FBXO40: variants seen among roughly 807,000 people sequenced by gnomAD.
FBXO40 encodes the protein F-box protein 40.
A neutral mutation model predicts 49.9 loss-of-function variants in FBXO40; 50 were observed. That is an observed-to-expected ratio of 1.00 (90% CI 0.80 to 1.27). The LOEUF (loss-of-function observed/expected upper bound fraction) is 1.27. Among genes scored for constraint, FBXO40 ranks in the 50% most tolerant of loss-of-function variants. The pLI is 0.00. For synonymous variants in FBXO40, 340 were observed against 320.2 expected (o/e 1.06, Z -0.66); for missense variants, 895 against 870.1 (o/e 1.03, Z -0.36).
chr3:121,611,845 C>G (rs2048967582), intron 1 of FBXO40, among the ~76,000 whole-genome samples: 1 of 152,214 alleles, frequency 6.6e-6, no homozygotes, highest in African/African-American at 2.4e-5. Context: ...ATGACCTTTA[C>G]CAAGTATACT....
rs1218731881 is a variant in FBXO40, at chr3:121,595,363, T to C, written c.-31+1861T>C. ...CTGGTGAAACTAGGGTGTGTTGGCT[T>C]ACAAGTAACCAAGCAGACAGATTGA... On this transcript the variant is annotated intron_variant, in intron 1 of 3. Transcript: ENST00000338040. 2.0e-5 allele frequency among the ~76,000 whole-genome samples: 3 copies of C among 152,192 alleles called. No homozygotes were observed. The East Asian group carries it at 5.8e-4, about 29-fold the overall frequency.
At chr3:121,614,585 A>T (rs560041378) in intron 1 of FBXO40, among the ~76,000 whole-genome samples, 1 of 152,340 alleles carries the variant, frequency 6.6e-6, no homozygotes, top group South Asian at 2.1e-4. Context: ...CACAAGGTGG[A>T]TTACTCCCAA....
intron 1 of FBXO40, among the ~76,000 whole-genome samples, chr3:121,612,797 C>T (rs1038537695): frequency 6.6e-6 from 1 of 151,986 alleles, no homozygotes; most frequent in African/African-American, 2.4e-5. Context: ...CAGCCGGGCG[C>T]GGTGGCTCAC....
intron 2 of FBXO40, among the ~76,000 whole-genome samples, chr3:121,620,876 A>T (rs1455126294): frequency 1.3e-5 from 2 of 152,198 alleles, no homozygotes; most frequent in East Asian, 3.8e-4. Flanking sequence ...TTGAATACCC[A>T]CAAAGGTCCA....
chr3:121,595,557 T>C (rs1167184509), intron 1 of FBXO40, among the ~76,000 whole-genome samples: 1 of 152,146 alleles, frequency 6.6e-6, no homozygotes, highest in Admixed American at 6.5e-5. Context: ...GGTGGAAAAC[T>C]TCAGATTGTG....
chr3:121,621,460 C>T lies in FBXO40; in HGVS notation c.31C>T (p.His11Tyr), dbSNP rs1156460404. Residue 11 changes from histidine (H) to tyrosine (Y), a missense_variant, in exon 3 of 4, where the codon CAC becomes TAC. Transcript: ENST00000338040. ...GAAAGCCCGCAGATCCCCGCCAGGG[C>T]ACCACAGGCATTGTGAGGGATGCTT... MGKARRSPPGHHRHCEGCFNR... is the reference protein window; with the variant it reads MGKARRSPPGYHRHCEGCFNR... 1 of 1,613,884 alleles carries T rather than the reference C, an allele frequency of 6.2e-7. No homozygotes were observed. The highest frequency in any genetic ancestry group is 1.7e-5 in the Admixed American group (1 of 60,012).
chr3:121,602,704 C>T (rs957600998), intron 1 of FBXO40, among the ~76,000 whole-genome samples: 3 of 152,194 alleles, frequency 2.0e-5, no homozygotes, highest in Non-Finnish European at 2.9e-5. Flanking sequence ...TTAAATGGCT[C>T]CCTATTGTGT....
chr3:121,596,440 C>G (rs1157773181), intron 1 of FBXO40, among the ~76,000 whole-genome samples: 1 of 152,200 alleles, frequency 6.6e-6, no homozygotes, highest in Non-Finnish European at 1.5e-5. Context: ...AAATGAGGTC[C>G]TTAGACCATC....
chr3:121,619,737 G>A (rs1292004666), intron 1 of FBXO40, among the ~76,000 whole-genome samples: 3 of 152,260 alleles, frequency 2.0e-5, no homozygotes, highest in South Asian at 2.1e-4. Flanking sequence ...ACTGATGAGC[G>A]AAGAAGTGAA....
chr3:121,626,936 C>T lies in FBXO40; in HGVS notation c.*26C>T. 6.2e-7 allele frequency: 1 copy of T among 1,606,004 alleles called. No homozygotes were observed. Among genetic ancestry groups the T allele is most frequent in the Non-Finnish European group, 8.5e-7 (1 of 1,172,948 alleles). The stretch of plus-strand genomic sequence containing the variant: ...AAATTCAGATGCCACTCGATGCACC[C>T]TTCTTGGATTTCTTCTCGGAGTTCC... On this transcript the variant is annotated 3_prime_UTR_variant, in exon 4 of 4. Coordinates refer to ENST00000338040, the MANE Select transcript of FBXO40 (RefSeq NM_016298.4).
chr3:121,612,669 T>C (rs1222108985), intron 1 of FBXO40, among the ~76,000 whole-genome samples: 1 of 152,108 alleles, frequency 6.6e-6, no homozygotes, highest in Non-Finnish European at 1.5e-5. Flanking sequence ...TTAGTTTCCC[T>C]TCTACAAAAC....
Position 121,620,570 on chromosome 3 carries a change from G to A in FBXO40, c.-6G>A, listed in dbSNP as rs1168747601. On this transcript the variant is annotated 5_prime_UTR_variant, in exon 2 of 4. Transcript: ENST00000338040. ...GAGCTAAGAAGCAAGAAGAAATTGG[G>A]GCGCCATGGTAAGCACCAGGAGCTT... 1.2e-6 allele frequency: 2 copies of A among 1,614,006 alleles called. No homozygotes were observed. Among genetic ancestry groups the A allele is most frequent in the Non-Finnish European group, 1.7e-6 (2 of 1,179,970 alleles).
Position 121,627,008 on chromosome 3 carries a change from T to C in FBXO40, c.*98T>C. ...GTTTTGAGGACTCCCTTCTGTAAAC[T>C]GCCTATTTGCTTATCGGGGTGTATT... On this transcript the variant is annotated 3_prime_UTR_variant, in exon 4 of 4. Coordinates refer to ENST00000338040, the MANE Select transcript of FBXO40 (RefSeq NM_016298.4). 9.0e-7 allele frequency: 1 copy of C among 1,116,872 alleles called. No individual in the cohort carries two copies. Among genetic ancestry groups the C allele is most frequent in the Non-Finnish European group, 1.3e-6 (1 of 759,360 alleles). 69.2% of individuals were successfully genotyped at this position (1,116,872 alleles called of 1,614,324 possible). A position where few individuals can be genotyped will look rare whatever the true frequency, so the allele number is the denominator to read the frequency against.
chr3:121,612,212 T>C (rs1192482228), intron 1 of FBXO40, among the ~76,000 whole-genome samples: 1 of 152,188 alleles, frequency 6.6e-6, no homozygotes, highest in African/African-American at 2.4e-5. Flanking sequence ...AGGGTACATG[T>C]ACCCATAGAG....
chr3:121,621,393 T>G (rs1359247641), intron 2 of FBXO40, 40 bp from the exon 3 acceptor site: 1 of 1,541,188 alleles, frequency 6.5e-7, no homozygotes, highest in Admixed American at 1.8e-5. Context: ...TTCTCCTCAG[T>G]ATTCATTTGT....
chr3:121,607,300 C>CT (rs555162944), intron 1 of FBXO40, among the ~76,000 whole-genome samples: 14,543 of 59,840 alleles, frequency 0.24, 2,012 homozygotes, highest in African/African-American at 0.35. Context: ...CTCTAAAGCT[C>CT]TTTTTTTTTT....
In FBXO40 at chr3:121,629,906, G is replaced by A. The variant is rs1205941156; in HGVS notation, c.*2996G>A. 2 of 152,288 alleles carry A rather than the reference G, an allele frequency of 1.3e-5. No homozygotes were observed. The highest frequency in any genetic ancestry group is 2.9e-5 in the Non-Finnish European group (2 of 68,096). 9.4% of individuals were successfully genotyped at this position (152,288 alleles called of 1,614,324 possible). A position where few individuals can be genotyped will look rare whatever the true frequency, so the allele number is the denominator to read the frequency against. ...CTTCAGATTTAGAAACAGCTGAGGG[G>A]AGCAAAGACGGACTGTGTACACAGG... On this transcript the variant is annotated 3_prime_UTR_variant, in exon 4 of 4. Transcript: ENST00000338040.
At chr3:121,610,726 G>A (rs372024919) in intron 1 of FBXO40, among the ~76,000 whole-genome samples, 104 of 152,044 alleles carry the variant, frequency 6.8e-4, no homozygotes, top group Middle Eastern at 3.4e-3. Flanking sequence ...TGCAACCTCC[G>A]CCTCCCAGAT....
intron 1 of FBXO40, among the ~76,000 whole-genome samples, chr3:121,602,024 G>C (rs1025819199): frequency 5.9e-5 from 9 of 152,334 alleles, no homozygotes; most frequent in Admixed American, 5.9e-4. Context: ...TCTGGCAAGA[G>C]CTCTTTGGGG....
Sources: allele counts gnomAD v4.1 joint callset (sites outside exome capture counted in the v4.1 genomes callset), GRCh38; gene constraint gnomAD v4.1.1; transcripts MANE v1.5; gene names NCBI Gene and HGNC (gene_info 2026-07-23, HGNC 2026-07-21).